Variants in DCX observed in about 807,000 individuals in gnomAD.
The protein encoded by DCX is doublecortin, also known as neuronal migration protein doublecortin.
A neutral mutation model predicts 20.9 loss-of-function variants in DCX; 4 were observed. The observed-to-expected ratio is 0.19, with a 90% CI of 0.09 to 0.44. DCX has a LOEUF of 0.44. Ranked by LOEUF, DCX falls within the 20% of genes least tolerant of loss-of-function variation. The probability of loss-of-function intolerance (pLI) is 0.99; values close to 1 mark genes in which losing one functional copy is unlikely to be tolerated. For missense variants in DCX, 133 were observed against 296.9 expected, an observed-to-expected ratio of 0.45 and a Z score of 4.06; for synonymous variants, 103 against 111.4, an observed-to-expected ratio of 0.92 and a Z score of 0.47.
intron 6 of DCX, among the ~76,000 whole-genome samples, chrX:111,308,765 C>A (rs1039762253): frequency 8.9e-6 from 1 of 111,732 alleles, no homozygotes; most frequent in African/African-American, 3.3e-5. Context: ...CTCTAGACAA[C>A]TTTGCATACA....
At chrX:111,385,870 C>T (rs1926461431) in intron 3 of DCX, among the ~76,000 whole-genome samples, 1 of 109,132 alleles carries the variant, frequency 9.2e-6, no homozygotes, top group South Asian at 4.0e-4. Flanking sequence ...CTTTGTATTC[C>T]AAAGGGAAGT....
intron 5 of DCX, among the ~76,000 whole-genome samples, 173 bp from the exon 6 acceptor site, chrX:111,312,909 C>A (rs1249015991): frequency 8.9e-6 from 1 of 111,995 alleles, no homozygotes; most frequent in Admixed American, 9.4e-5. Context: ...AGGGCAAGAA[C>A]TGCAATCCTC....
intron 5 of DCX, among the ~76,000 whole-genome samples, chrX:111,323,395 A>T (rs1173100814): frequency 9.0e-6 from 1 of 111,337 alleles, no homozygotes; most frequent in Non-Finnish European, 1.9e-5. Flanking sequence ...TGCCACATAG[A>T]AAAGAGTTCA....
At chrX:111,380,938 C>T (rs1309571134) in intron 3 of DCX, among the ~76,000 whole-genome samples, 1 of 110,170 alleles carries the variant, frequency 9.1e-6, no homozygotes, top group Non-Finnish European at 1.9e-5. Flanking sequence ...AGGATACTTC[C>T]TCCATTTCAT....
intron 5 of DCX, among the ~76,000 whole-genome samples, chrX:111,324,121 T>C (rs1042162277): frequency 2.7e-5 from 3 of 111,757 alleles, no homozygotes; most frequent in African/African-American, 6.5e-5. Flanking sequence ...ATATAAGCCA[T>C]ATACACAGGA....
chrX:111,314,397 T>C (rs1273022094), intron 5 of DCX, among the ~76,000 whole-genome samples: 1 of 111,508 alleles, frequency 9.0e-6, no homozygotes, highest in Non-Finnish European at 1.9e-5. Flanking sequence ...TTGCATAGGG[T>C]ATTATTGGAA....
rs2147564906 is a variant in DCX, at chrX:111,299,012, A to T, written c.*2675T>A. On this transcript the variant is annotated 3_prime_UTR_variant, in exon 7 of 7. Coordinates refer to ENST00000636035, the MANE Select transcript of DCX (RefSeq NM_001195553.2). Reference sequence around the variant, plus strand: ...GGAGAAGTATAGGGAGTGGTGGCAAATGCTTGCTGACTTGATGTTTGTTGA... The same window carrying T: ...GGAGAAGTATAGGGAGTGGTGGCAATTGCTTGCTGACTTGATGTTTGTTGA... 1 of 109,482 alleles carries T rather than the reference A, an allele frequency of 9.1e-6. No individual in the cohort carries two copies. The highest frequency in any genetic ancestry group is 4.0e-4 in the South Asian group (1 of 2,490). 9.0% of individuals were successfully genotyped at this position (109,482 alleles called of 1,213,427 possible).
intron 3 of DCX, among the ~76,000 whole-genome samples, chrX:111,396,007 A>C (rs1603422664): frequency 8.9e-6 from 1 of 112,811 alleles, no homozygotes; most frequent in Middle Eastern, 4.6e-3. Flanking sequence ...AACATTTCCA[A>C]GGTTAAATCC....
intron 6 of DCX, among the ~76,000 whole-genome samples, chrX:111,312,305 A>G (rs919469396): frequency 1.8e-5 from 2 of 111,515 alleles, no homozygotes; most frequent in African/African-American, 3.3e-5. Context: ...TGCCCTGAAC[A>G]CCCCCTTTGC....
chrX:111,347,106 A>T (rs1246567522), intron 3 of DCX, among the ~76,000 whole-genome samples: 1 of 111,734 alleles, frequency 8.9e-6, no homozygotes, highest in Non-Finnish European at 1.9e-5. Context: ...ACACATATTT[A>T]AAAATTATTA....
chrX:111,401,162 C>T lies in DCX; in HGVS notation c.533G>A (p.Arg178His), dbSNP rs587783559. 2.5e-6 allele frequency: 3 copies of T among 1,209,345 alleles called. No homozygotes were observed. The highest frequency in any genetic ancestry group is 3.5e-5 in the African/African-American group (2 of 56,922). ...GCGGATGATGGTAACCAGCTTGGGG[C>T]GCACAAAGTCCTTGTTCTCCCTGGC... ...AQARENKDFV[R>H]PKLVTIIRSG... is the part of the protein sequence containing the mutation. The change falls in exon 3 of 7, where the codon CGC becomes CAC. Residue 178 changes from arginine to histidine, a missense_variant. By Grantham distance (29) the Arg-to-His change is conservative. This residue lies in a region of DCX where 65 missense variants were observed against 212.6 expected (regional missense o/e 0.31). Transcript: ENST00000636035.
intron 3 of DCX, among the ~76,000 whole-genome samples, chrX:111,378,393 T>A (rs1307172308): frequency 9.0e-6 from 1 of 111,575 alleles, no homozygotes; most frequent in East Asian, 2.8e-4. Context: ...ATTTAGCAGG[T>A]CTGGGGCGAG....
At chrX:111,368,081 C>T (rs1401007259) in intron 3 of DCX, among the ~76,000 whole-genome samples, 1 of 111,472 alleles carries the variant, frequency 9.0e-6, no homozygotes. Context: ...TAGCATGATC[C>T]CAGACCTAGG....
chrX:111,304,493 G>A lies in DCX; in HGVS notation c.1045-2750C>T, dbSNP rs1458552772. On this transcript the variant is annotated intron_variant, in intron 6 of 6. Coordinates refer to ENST00000636035, the MANE Select transcript of DCX (RefSeq NM_001195553.2). ...ACCAACAGTCACAACTACTGTACCG[G>A]TGAAAAACAGCAATCTAGTAGTTAC... 2.7e-5 allele frequency among the ~76,000 whole-genome samples: 3 copies of A among 111,668 alleles called. No homozygotes were observed. The East Asian group carries it at 8.5e-4, about 32-fold the overall frequency.
chrX:111,316,255 C>A (rs770959576), intron 5 of DCX, among the ~76,000 whole-genome samples: 1 of 110,161 alleles, frequency 9.1e-6, no homozygotes, highest in Admixed American at 9.7e-5. Context: ...TTTTTTGAGA[C>A]GGAGTCTTGC....
chrX:111,378,048 C>A (rs1422814037), intron 3 of DCX, among the ~76,000 whole-genome samples: 1 of 111,525 alleles, frequency 9.0e-6, no homozygotes, highest in Non-Finnish European at 1.9e-5. Flanking sequence ...AGCATAGGAG[C>A]AAGCCTGACA....
At chrX:111,408,725 A>C (rs758181956) in intron 2 of DCX, among the ~76,000 whole-genome samples, 117 of 112,117 alleles carry the variant, frequency 1.0e-3, no homozygotes, top group Admixed American at 4.2e-3. Context: ...CTTGAGACTC[A>C]GATGCAGCAA....
intron 3 of DCX, among the ~76,000 whole-genome samples, chrX:111,397,163 C>T (rs1424329409): frequency 9.0e-6 from 1 of 111,462 alleles, no homozygotes; most frequent in East Asian, 2.8e-4. Flanking sequence ...TTGCAATAAC[C>T]AACTGGGCTC....
intron 3 of DCX, among the ~76,000 whole-genome samples, chrX:111,390,753 C>CT (rs1388647465): frequency 1.8e-5 from 2 of 110,991 alleles, no homozygotes; most frequent in Non-Finnish European, 3.8e-5. Flanking sequence ...AATCCCAGCA[C>CT]TTTGGGAGGC....
Sources: gnomAD v4.1 joint callset for allele counts (sites outside exome capture counted in the v4.1 genomes callset) on GRCh38, gnomAD v4.1.1 for gene constraint, gnomAD v4.1.1 regional missense constraint, MANE v1.5 for transcripts, NCBI Gene and HGNC (gene_info 2026-07-23, HGNC 2026-07-21) for gene names.